The following MBOAT2 variants were observed in gnomAD, a reference collection of about 807,000 sequenced individuals.
MBOAT2 encodes the protein membrane-bound glycerophospholipid O-acyltransferase 2.
In MBOAT2, 28 loss-of-function variants were observed where a neutral mutation model predicts 63.4. That is an observed-to-expected ratio of 0.44 (90% confidence interval 0.33 to 0.61). MBOAT2 has a LOEUF of 0.61. Among genes scored for constraint, MBOAT2 ranks in the 20% least tolerant of loss-of-function variants. The pLI, the probability that MBOAT2 is intolerant of heterozygous loss-of-function variation, is 0.03. For synonymous variants in MBOAT2, 211 were observed against 215.6 expected (o/e 0.98, Z 0.19); for missense variants, 470 against 605.8 (o/e 0.78, Z 2.35).
chr2:8,927,580 G>A (rs569162922), intron 3 of MBOAT2, among the ~76,000 whole-genome samples: 2 of 152,252 alleles, frequency 1.3e-5, no homozygotes, highest in African/African-American at 2.4e-5. Context: ...GTGTCCAACC[G>A]AGGCTGGGAA....
rs546515272 is a variant in MBOAT2 at position 8,955,360 on chromosome 2, G to C, written c.221+3137C>G. 2.0e-5 allele frequency among the ~76,000 whole-genome samples: 3 copies of C among 152,246 alleles called. No homozygotes were observed. The East Asian group carries it at 5.8e-4, about 30-fold the overall frequency. ...GCTCTCCCTCAGACTGGGTTGCTCA[G>C]ATCCCCAGTGGAAAGGTGAGTCATA... On this transcript the variant is annotated intron_variant, in intron 2 of 12. Coordinates refer to ENST00000305997, the MANE Select transcript of MBOAT2 (RefSeq NM_138799.4).
intron 3 of MBOAT2, among the ~76,000 whole-genome samples, chr2:8,909,544 T>C (rs1396416746): frequency 3.3e-5 from 5 of 152,082 alleles, no homozygotes; most frequent in Admixed American, 2.0e-4. Context: ...AAGCAATATA[T>C]GATATAGGAG....
At chr2:8,869,567 G>A (rs796471566) in intron 8 of MBOAT2, among the ~76,000 whole-genome samples, 16 of 152,176 alleles carry the variant, frequency 1.1e-4, no homozygotes, top group African/African-American at 3.9e-4. Context: ...TCCTTAAATT[G>A]TTTTATTGTT....
At chr2:8,896,381 C>T (rs1018910890) in intron 4 of MBOAT2, among the ~76,000 whole-genome samples, 28 of 152,062 alleles carry the variant, frequency 1.8e-4, no homozygotes, top group African/African-American at 5.8e-4. Context: ...GGTGCACAGT[C>T]CTCCTTTCTC....
At chr2:8,888,819 G>A (rs1365092780) in intron 4 of MBOAT2, among the ~76,000 whole-genome samples, 1 of 151,968 alleles carries the variant, frequency 6.6e-6, no homozygotes, top group South Asian at 2.1e-4. Flanking sequence ...CTTGAGCCCA[G>A]GAGTCTGAGA....
intron 7 of MBOAT2, 137 bp downstream of exon 7, chr2:8,876,893 C>T (rs1047223742): frequency 4.9e-5 from 37 of 753,570 alleles, no homozygotes; most frequent in Admixed American, 3.6e-4. Context: ...CTACCAGGTG[C>T]AGTGTGAAGT....
chr2:8,937,578 C>G (rs972044455), intron 3 of MBOAT2, among the ~76,000 whole-genome samples: 8 of 152,148 alleles, frequency 5.3e-5, no homozygotes, highest in Non-Finnish European at 7.3e-5. Flanking sequence ...GACATCTCAG[C>G]AAGACTCGCT....
chr2:8,994,342 C>G (rs888388107), intron 1 of MBOAT2, among the ~76,000 whole-genome samples: 2 of 152,222 alleles, frequency 1.3e-5, no homozygotes, highest in African/African-American at 4.8e-5. Flanking sequence ...GCAGCCCAGG[C>G]ATTCTCTCGC....
chr2:8,916,216 G>A (rs1666165588), intron 3 of MBOAT2, among the ~76,000 whole-genome samples: 1 of 152,142 alleles, frequency 6.6e-6, no homozygotes, highest in Non-Finnish European at 1.5e-5. Context: ...TGAAAATGAG[G>A]TGCCTTGTCT....
chr2:8,966,743 T>C (rs1044436384), intron 1 of MBOAT2, among the ~76,000 whole-genome samples: 6 of 152,188 alleles, frequency 3.9e-5, no homozygotes, highest in Admixed American at 2.0e-4. Flanking sequence ...GACTACAATG[T>C]AGAGCAATGG....
At chr2:8,974,297 G>A (rs1017669882) in intron 1 of MBOAT2, 4 of 450,388 alleles carry the variant, frequency 8.9e-6, no homozygotes, top group African/African-American at 8.0e-5. Context: ...TGAGAAATAT[G>A]GCTAGGGATT....
chr2:8,886,798 T>A lies in MBOAT2; in HGVS notation c.451+1220A>T, dbSNP rs567442023. ...TCCTTGATCCACGACTTTCCTATAT[T>A]CTCTTTCCAGTGTCACAGGAGTAAT... On this transcript the variant is annotated intron_variant, in intron 5 of 12. Coordinates refer to ENST00000305997, the MANE Select transcript of MBOAT2 (RefSeq NM_138799.4). Among the ~76,000 whole-genome samples, 11 of 152,302 alleles carry A rather than the reference T, an allele frequency of 7.2e-5. 1 individual carries two copies. Among genetic ancestry groups the A allele is most frequent in the Non-Finnish European group, 1.3e-4 (9 of 68,028 alleles).
At chr2:8,884,314 C>T (rs1473838152) in intron 5 of MBOAT2, among the ~76,000 whole-genome samples, 5 of 149,650 alleles carry the variant, frequency 3.3e-5, no homozygotes, top group African/African-American at 1.2e-4. Flanking sequence ...TCAATGATCA[C>T]ATACCTACTT....
At chr2:8,968,163 T>C (rs753871724) in intron 1 of MBOAT2, among the ~76,000 whole-genome samples, 4 of 151,140 alleles carry the variant, frequency 2.6e-5, no homozygotes, top group Non-Finnish European at 5.9e-5. Flanking sequence ...CATGGCCAGG[T>C]ATCCCTCTGA....
At chr2:8,914,647 C>T (rs1573038156) in intron 3 of MBOAT2, among the ~76,000 whole-genome samples, 3 of 152,084 alleles carry the variant, frequency 2.0e-5, no homozygotes, top group Non-Finnish European at 4.4e-5. Flanking sequence ...CATATTTATG[C>T]ATTTTTTTCC....
chr2:8,917,128 C>T (rs1333298221), intron 3 of MBOAT2, among the ~76,000 whole-genome samples: 1 of 152,134 alleles, frequency 6.6e-6, no homozygotes, highest in East Asian at 1.9e-4. Flanking sequence ...AAAATTAACT[C>T]AATATGGATC....
intron 3 of MBOAT2, among the ~76,000 whole-genome samples, chr2:8,920,112 T>G (rs1451484869): frequency 6.6e-6 from 1 of 152,182 alleles, no homozygotes; most frequent in Non-Finnish European, 1.5e-5. Flanking sequence ...ATCTAAGAAG[T>G]CTTTGCCCAA....
chr2:8,903,440 A>G (rs2148580052), intron 4 of MBOAT2, among the ~76,000 whole-genome samples: 1 of 152,242 alleles, frequency 6.6e-6, no homozygotes, highest in African/African-American at 2.4e-5. Flanking sequence ...GCTCTAAGAT[A>G]TATCCTTGAT....
chr2:8,933,752 T>C (rs1250881328), intron 3 of MBOAT2, among the ~76,000 whole-genome samples: 1 of 152,162 alleles, frequency 6.6e-6, no homozygotes, highest in Non-Finnish European at 1.5e-5. Flanking sequence ...GTGAACTTCT[T>C]TTTACTCTAA....
Sources: gnomAD v4.1 joint callset for allele counts (sites outside exome capture counted in the v4.1 genomes callset) on GRCh38, gnomAD v4.1.1 for gene constraint, MANE v1.5 for transcripts, NCBI Gene and HGNC (gene_info 2026-07-23, HGNC 2026-07-21) for gene names.